Variants in NEDD4 observed in about 807,000 individuals in gnomAD.
NEDD4 encodes the protein NEDD4 E3 ubiquitin protein ligase.
In NEDD4, 99 loss-of-function variants were observed where a neutral mutation model predicts 144.9. The ratio of observed to expected loss-of-function variants is 0.68; its 90% CI spans 0.58 to 0.81. NEDD4 has a LOEUF of 0.81. Among genes scored for constraint, NEDD4 ranks in the 30% least tolerant of loss-of-function variants. The pLI is 0.00. For missense variants in NEDD4, 985 were observed against 1,065.9 expected (o/e 0.92, Z 1.06); for synonymous variants, 318 against 350.6 (o/e 0.91, Z 1.04).
intron 2 of NEDD4, among the ~76,000 whole-genome samples, chr15:55,957,404 G>A (rs1389399625): frequency 6.6e-6 from 1 of 152,222 alleles, no homozygotes; most frequent in Non-Finnish European, 1.5e-5. Context: ...CCACCATTAA[G>A]TAGGTGGTTA....
At chr15:55,985,257 A>G (rs1193719430) in intron 1 of NEDD4, among the ~76,000 whole-genome samples, 1 of 152,276 alleles carries the variant, frequency 6.6e-6, no homozygotes, top group African/African-American at 2.4e-5. Context: ...CCTGGCGCAG[A>G]GCAGTCAATC....
At chr15:55,830,407 C>T (rs2032892747) in intron 28 of NEDD4, 107 bp downstream of exon 28, 2 of 990,190 alleles carry the variant, frequency 2.0e-6, no homozygotes, top group African/African-American at 1.6e-5. Flanking sequence ...ATAATCCATA[C>T]CTGCCACCGA....
intron 5 of NEDD4, among the ~76,000 whole-genome samples, chr15:55,898,697 A>G (rs895605654): frequency 7.0e-6 from 1 of 143,878 alleles, no homozygotes; most frequent in Non-Finnish European, 1.5e-5. Context: ...ATACAGTGGC[A>G]CAATCGTAGC....
chr15:55,878,282 A>T (rs2035063618), intron 5 of NEDD4, among the ~76,000 whole-genome samples: 1 of 152,224 alleles, frequency 6.6e-6, no homozygotes, highest in Admixed American at 6.5e-5. Context: ...AAAGAGATCA[A>T]TTCATAAAAT....
chr15:55,848,737 T>C (rs1421834840), intron 15 of NEDD4, 69 bp downstream of exon 15: 3 of 1,405,896 alleles, frequency 2.1e-6, no homozygotes, highest in Non-Finnish European at 3.0e-6. Flanking sequence ...GATAAAGAAA[T>C]ACTATACCCG....
At chr15:55,833,315 A>G (rs566025688) in intron 26 of NEDD4, among the ~76,000 whole-genome samples, 2 of 152,300 alleles carry the variant, frequency 1.3e-5, no homozygotes, top group African/African-American at 4.8e-5. Flanking sequence ...GAATGGGATT[A>G]TAACCTAGTG....
At position 55,874,104 on chromosome 15, in the gene NEDD4, GT is replaced by G. The variant is rs139714439; in HGVS notation, c.292-97del. 1.7e-3 allele frequency: 950 copies of G among 570,256 alleles called. 2 individuals are homozygous for G. Among genetic ancestry groups the G allele is most frequent in the African/African-American group, 7.7e-3 (396 of 51,440 alleles). 35.3% of individuals were successfully genotyped at this position (570,256 alleles called of 1,614,324 possible). A position where few individuals can be genotyped will look rare whatever the true frequency, so the allele number is the denominator to read the frequency against. The stretch of plus-strand genomic sequence containing the variant: ...TGCCACCATTCACAGAAAATGTAGA[GT>G]TTTTTTTTTATTCAGTCATATGCAG... On this transcript the variant is annotated intron_variant, in intron 5 of 28. Coordinates refer to ENST00000435532, the MANE Select transcript of NEDD4 (RefSeq NM_006154.4).
intron 5 of NEDD4, among the ~76,000 whole-genome samples, chr15:55,911,627 C>T (rs1227166457): frequency 6.6e-6 from 1 of 151,708 alleles, no homozygotes. Flanking sequence ...CCTCCCGGGT[C>T]CACGCCATTC....
At chr15:55,852,593 T>C (rs1285779115) in intron 12 of NEDD4, 50 bp from the exon 13 acceptor site, 1 of 1,578,374 alleles carries the variant, frequency 6.3e-7, no homozygotes, top group African/African-American at 1.4e-5. Flanking sequence ...TTAAGAATCC[T>C]TCTATCACCC....
chr15:55,883,477 G>T (rs1473561321), intron 5 of NEDD4, among the ~76,000 whole-genome samples: 1 of 152,092 alleles, frequency 6.6e-6, no homozygotes, highest in Non-Finnish European at 1.5e-5. Flanking sequence ...TGAAGAGAAG[G>T]TCACAAGCCT....
At chr15:55,991,228 A>G (rs1406915330) in intron 1 of NEDD4, among the ~76,000 whole-genome samples, 1 of 152,094 alleles carries the variant, frequency 6.6e-6, no homozygotes, top group African/African-American at 2.4e-5. Flanking sequence ...CTATTTCCAG[A>G]CTAGTCTGTG....
chr15:55,981,306 C>T (rs189073212), intron 1 of NEDD4, among the ~76,000 whole-genome samples: 1 of 152,036 alleles, frequency 6.6e-6, no homozygotes, highest in Admixed American at 6.5e-5. Flanking sequence ...CTCAGGTGAT[C>T]CACCCGCCTC....
intron 1 of NEDD4, among the ~76,000 whole-genome samples, chr15:55,976,642 T>TC (rs200090404): frequency 0.028 from 4,287 of 151,168 alleles, 71 homozygotes; most frequent in Non-Finnish European, 0.035. Context: ...TTTTTTTTTT[T>TC]TTTTTGAGAC....
intron 2 of NEDD4, among the ~76,000 whole-genome samples, chr15:55,955,521 T>C (rs1319696108): frequency 2.0e-5 from 3 of 152,142 alleles, no homozygotes; most frequent in Non-Finnish European, 1.5e-5. Flanking sequence ...TCTTTGATTC[T>C]ATGAATTTGA....
intron 4 of NEDD4, among the ~76,000 whole-genome samples, chr15:55,945,400 A>G (rs2037091122): frequency 6.6e-6 from 1 of 152,192 alleles, no homozygotes; most frequent in African/African-American, 2.4e-5. Flanking sequence ...AATCAAGTGG[A>G]AGAAAGGCTA....
intron 27 of NEDD4, among the ~76,000 whole-genome samples, chr15:55,831,361 G>T (rs545183869): frequency 7.1e-4 from 108 of 152,310 alleles, no homozygotes; most frequent in Non-Finnish European, 1.4e-3. Context: ...CTGGCTCTAT[G>T]TGTGGGATAT....
At chr15:55,921,346 A>T (rs1441021798) in intron 5 of NEDD4, among the ~76,000 whole-genome samples, 1 of 150,738 alleles carries the variant, frequency 6.6e-6, no homozygotes, top group Non-Finnish European at 1.5e-5. Flanking sequence ...TTTCGCCGAG[A>T]CGGAGTCTCA....
At chr15:55,895,139 T>C (rs2035698741) in intron 5 of NEDD4, among the ~76,000 whole-genome samples, 1 of 152,166 alleles carries the variant, frequency 6.6e-6, no homozygotes, top group African/African-American at 2.4e-5. Flanking sequence ...TGGATAAAGC[T>C]CTTCCTTTCC....
chr15:55,978,187 A>G (rs2037737073), intron 1 of NEDD4, among the ~76,000 whole-genome samples: 1 of 152,192 alleles, frequency 6.6e-6, no homozygotes, highest in Non-Finnish European at 1.5e-5. Flanking sequence ...AACAAGCATT[A>G]ATCAAAAACA....
Sources: allele counts gnomAD v4.1 joint callset (sites outside exome capture counted in the v4.1 genomes callset), GRCh38; gene constraint gnomAD v4.1.1; transcripts MANE v1.5; gene names NCBI Gene and HGNC (gene_info 2026-07-23, HGNC 2026-07-21).